Variants in PLCG2 observed in about 807,000 individuals in gnomAD.
PLCG2 encodes the protein 1-phosphatidylinositol 4,5-bisphosphate phosphodiesterase gamma-2.
Under a neutral mutation model 175.6 loss-of-function variants are expected in PLCG2, and 69 were observed. The observed-to-expected ratio is 0.39, with a 90% CI of 0.32 to 0.48. PLCG2 has a LOEUF of 0.48. Among genes scored for constraint, PLCG2 ranks in the 20% least tolerant of loss-of-function variants. The pLI is 0.91. For synonymous variants in PLCG2, 827 were observed against 624.0 expected (o/e 1.33, Z -4.85); for missense variants, 1,798 against 1,650.9 (o/e 1.09, Z -1.54).
At chr16:81,886,845 C>T (rs994192444) in intron 9 of PLCG2, among the ~76,000 whole-genome samples, 5 of 152,182 alleles carry the variant, frequency 3.3e-5, no homozygotes, top group South Asian at 2.1e-4. Flanking sequence ...TGATGGCCAT[C>T]GCCATTTATT....
intron 25 of PLCG2, 59 bp from the exon 26 acceptor site, chr16:81,934,370 C>G (rs562639486): frequency 9.6e-7 from 1 of 1,036,342 alleles, no homozygotes; most frequent in Admixed American, 1.8e-5. Context: ...AAATGCAGGG[C>G]GAGCTGGGAA....
At chr16:81,827,706 G>T (rs1905099813) in intron 2 of PLCG2, among the ~76,000 whole-genome samples, 1 of 152,066 alleles carries the variant, frequency 6.6e-6, no homozygotes. Flanking sequence ...GTGTAAAGTG[G>T]ACAGATCCTA....
At chr16:81,747,581 G>T (rs1399284415) in intron 1 of PLCG2, among the ~76,000 whole-genome samples, 3 of 151,828 alleles carry the variant, frequency 2.0e-5, no homozygotes, top group African/African-American at 7.3e-5. Context: ...TTAAATAAAT[G>T]ATTGGAAGTC....
At chr16:81,926,095 G>T (rs1000001222) in intron 22 of PLCG2, among the ~76,000 whole-genome samples, 3 of 151,992 alleles carry the variant, frequency 2.0e-5, no homozygotes, top group African/African-American at 7.2e-5. Flanking sequence ...TTAGTGGGGG[G>T]AAGTTGGGTA....
At chr16:81,948,234 C>G (rs1911229037) in intron 31 of PLCG2, among the ~76,000 whole-genome samples, 1 of 135,766 alleles carries the variant, frequency 7.4e-6, no homozygotes, top group African/African-American at 2.5e-5. Context: ...TAAATAGTTT[C>G]TCCTAAGTTG....
chr16:81,742,961 T>C (rs1213484416), intron 1 of PLCG2, among the ~76,000 whole-genome samples: 1 of 152,214 alleles, frequency 6.6e-6, no homozygotes, highest in African/African-American at 2.4e-5. Context: ...ATCTTTTTGG[T>C]TCTCGATACC....
At chr16:81,830,017 A>G (rs1470287724) in intron 2 of PLCG2, among the ~76,000 whole-genome samples, 1 of 151,856 alleles carries the variant, frequency 6.6e-6, no homozygotes, top group East Asian at 1.9e-4. Flanking sequence ...CAAGGAGTGG[A>G]GAGATTAAAT....
At position 81,841,193 on chromosome 16, in the gene PLCG2, C is replaced by G. The variant is rs532786612; in HGVS notation, c.194-13251C>G. 7.2e-4 allele frequency among the ~76,000 whole-genome samples: 108 copies of G among 151,014 alleles called. No homozygotes were observed. The Middle Eastern group carries it at 0.01, about 14-fold the overall frequency. ...GCAGGCCCACCCCCTATCTGCAGGC[C>G]AAAAAGTAAACTTTATTTATTTATT... On this transcript the variant is annotated intron_variant, in intron 2 of 32. Transcript: ENST00000564138.
intron 30 of PLCG2, among the ~76,000 whole-genome samples, chr16:81,942,942 G>A (rs570999692): frequency 6.6e-6 from 1 of 151,588 alleles, no homozygotes; most frequent in Admixed American, 6.6e-5. Flanking sequence ...TATACAAGGA[G>A]GGCTGCCCAG....
rs180774689 is a variant in PLCG2 at position 81,959,143 on chromosome 16, C to A, written c.*1145C>A. 18 of 224,048 alleles carry A rather than the reference C, an allele frequency of 8.0e-5. No individual in the cohort carries two copies. Among genetic ancestry groups the A allele is most frequent in the African/African-American group, 4.0e-4 (18 of 44,910 alleles). The allele number at this position is 224,048 out of a possible 1,614,324, so 13.9% of individuals were successfully genotyped here. A position where few individuals can be genotyped will look rare whatever the true frequency, so the allele number is the denominator to read the frequency against. On this transcript the variant is annotated 3_prime_UTR_variant, in exon 33 of 33. Transcript: ENST00000564138. Reference sequence around the variant, plus strand: ...TGGGAAGGGAGGTGGTTGGTAGAGTCACAACTTCTCAATGAGTGAATTTAC... The same window carrying A: ...TGGGAAGGGAGGTGGTTGGTAGAGTAACAACTTCTCAATGAGTGAATTTAC...
rs756173730 is a variant in PLCG2 at position 81,931,561 on chromosome 16, C to G, written c.2646C>G (p.Gly882=). 1.2e-6 allele frequency: 2 copies of G among 1,613,986 alleles called. No homozygotes were observed. The highest frequency in any genetic ancestry group is 1.7e-6 in the Non-Finnish European group (2 of 1,179,898). Reference sequence around the variant, plus strand: ...TCATCCTGGAGCCCAAGCAGCAGGGCGATCCTCCGGTGGAGTTTGCCACAG... The same window carrying G: ...TCATCCTGGAGCCCAAGCAGCAGGGGGATCCTCCGGTGGAGTTTGCCACAG... ...FVFILEPKQQ[G]DPPVEFATDR... is the part of the protein sequence containing the mutation. Residue 882 remains glycine, a synonymous_variant, in exon 25 of 33, where the codon GGC becomes GGG. Coordinates refer to ENST00000564138, the MANE Select transcript of PLCG2 (RefSeq NM_002661.5).
intron 12 of PLCG2, among the ~76,000 whole-genome samples, chr16:81,895,246 C>A (rs1249232241): frequency 6.6e-6 from 1 of 152,142 alleles, no homozygotes; most frequent in African/African-American, 2.4e-5. Flanking sequence ...AAATAAAACA[C>A]GTGGTAAAAT....
At chr16:81,769,819 C>CAAA (rs71146043) in intron 2 of PLCG2, among the ~76,000 whole-genome samples, 11 of 75,676 alleles carry the variant, frequency 1.5e-4, no homozygotes, top group African/African-American at 5.8e-4. Flanking sequence ...GACTCCGTCT[C>CAAA]AAAAAAAAAA....
At chr16:81,810,148 C>T (rs547031524) in intron 2 of PLCG2, among the ~76,000 whole-genome samples, 4 of 152,254 alleles carry the variant, frequency 2.6e-5, no homozygotes, top group East Asian at 1.9e-4. Flanking sequence ...CTCACCACCA[C>T]GCCCAGCTAA....
At chr16:81,865,970 C>A (rs1186814365) in intron 5 of PLCG2, among the ~76,000 whole-genome samples, 1 of 138,130 alleles carries the variant, frequency 7.2e-6, no homozygotes, top group African/African-American at 2.8e-5. Flanking sequence ...AGGATGGGCT[C>A]CACTGGGGCA....
At chr16:81,769,037 T>C (rs1369841018) in intron 2 of PLCG2, among the ~76,000 whole-genome samples, 2 of 152,200 alleles carry the variant, frequency 1.3e-5, no homozygotes, top group Non-Finnish European at 2.9e-5. Context: ...AGAAATGCTG[T>C]GGGCTGATTG....
chr16:81,926,031 G>C (rs1402585269), intron 22 of PLCG2, among the ~76,000 whole-genome samples: 2 of 152,232 alleles, frequency 1.3e-5, no homozygotes, highest in African/African-American at 4.8e-5. Context: ...CTCAGCCTAG[G>C]GGGCAGTCAG....
At chr16:81,895,737 G>A in intron 12 of PLCG2, 70 bp from the exon 13 acceptor site, 1 of 1,583,364 alleles carries the variant, frequency 6.3e-7, no homozygotes, top group Non-Finnish European at 8.6e-7. Flanking sequence ...CTGGTGTGTG[G>A]GCCGGGGGCT....
chr16:81,764,145 T>G (rs1284950403), intron 2 of PLCG2, among the ~76,000 whole-genome samples: 4 of 151,668 alleles, frequency 2.6e-5, no homozygotes, highest in African/African-American at 9.7e-5. Context: ...ATTTAAAAAA[T>G]TAGCCAGGTG....
Sources: allele counts gnomAD v4.1 joint callset (sites outside exome capture counted in the v4.1 genomes callset), GRCh38; gene constraint gnomAD v4.1.1; transcripts MANE v1.5; gene names NCBI Gene and HGNC (gene_info 2026-07-23, HGNC 2026-07-21).